SSUH2: variants seen among roughly 807,000 people sequenced by gnomAD.
The protein encoded by SSUH2 is protein SSUH2 homolog.
Under a neutral mutation model 55.3 loss-of-function variants are expected in SSUH2, and 47 were observed. The ratio of observed to expected loss-of-function variants is 0.85; its 90% confidence interval spans 0.67 to 1.08. The LOEUF (loss-of-function observed/expected upper bound fraction) is 1.08, where lower values mean the gene tolerates loss of function less well. Among genes scored for constraint, SSUH2 ranks in the 50% least tolerant of loss-of-function variants. The pLI is 0.00. For missense variants in SSUH2, 535 were observed against 490.7 expected, an observed-to-expected ratio of 1.09 and a Z score of -0.85; for synonymous variants, 212 against 191.5, an observed-to-expected ratio of 1.11 and a Z score of -0.89.
chr3:8,619,487 C>T lies in SSUH2; in HGVS notation c.*381G>A, dbSNP rs537147463. ...TTGAACATTTCAGTAATACTCAGATCGTCAAGAGGCTCCCACTAGAAGAAG... is the reference window on the plus strand; with the variant it reads ...TTGAACATTTCAGTAATACTCAGATTGTCAAGAGGCTCCCACTAGAAGAAG... On this transcript the variant is annotated 3_prime_UTR_variant, in exon 12 of 12. Transcript: ENST00000544814. The T allele has an allele frequency of 5.2e-5, 10 of 190,598 alleles. No individual in the cohort carries two copies. The highest frequency in any genetic ancestry group is 1.1e-4 in the Admixed American group (2 of 17,532). The allele number at this position is 190,598 out of a possible 1,614,324, so 11.8% of individuals were successfully genotyped here. A position where few individuals can be genotyped will look rare whatever the true frequency, so the allele number is the denominator to read the frequency against.
upstream of SSUH2, among the ~76,000 whole-genome samples, chr3:8,646,237 T>C (rs1468182316): frequency 6.6e-6 from 1 of 152,222 alleles, no homozygotes; most frequent in Non-Finnish European, 1.5e-5. Context: ...TGTGTGTATA[T>C]ATTTGAGCCA....
chr3:8,676,429 G>A lies in SSUH2; in HGVS notation c.-753+777C>T, dbSNP rs182036512. Among the ~76,000 whole-genome samples, 290 of 151,056 alleles carry A rather than the reference G, an allele frequency of 1.9e-3. 9 individuals are homozygous for A. Among genetic ancestry groups the A allele is most frequent in the African/African-American group, 6.5e-3 (267 of 41,148 alleles). On this transcript the variant is annotated intron_variant, in intron 3 of 18. Transcript: ENST00000317371. ...ATATCATCTTCTTCCCTCCAGGATC[G>A]TGGGAAAAATATCCCTGGGGGGTTT...
intron 1 of SSUH2, chr3:8,639,914 G>A (rs1559412153): frequency 2.1e-6 from 2 of 954,992 alleles, no homozygotes; most frequent in Non-Finnish European, 2.5e-6. Context: ...AATCCAACAG[G>A]CACACGTAAG....
At chr3:8,680,920 G>C (rs1349984673) in intron 1 of SSUH2, among the ~76,000 whole-genome samples, 2 of 151,964 alleles carry the variant, frequency 1.3e-5, no homozygotes, top group African/African-American at 2.4e-5. Flanking sequence ...AATTTGACAG[G>C]CTGGGTGAAC....
At chr3:8,670,387 A>G (rs1417609399) in intron 5 of SSUH2, among the ~76,000 whole-genome samples, 1 of 152,022 alleles carries the variant, frequency 6.6e-6, no homozygotes, top group Non-Finnish European at 1.5e-5. Flanking sequence ...GTGTACACAC[A>G]TGATGTACAC....
rs777431535 is a variant in SSUH2, at chr3:8,627,683, G to A, written c.674+15C>T. The A allele has an allele frequency of 7.1e-7, 1 of 1,412,534 alleles. No homozygotes were observed. The highest frequency in any genetic ancestry group is 1.3e-5 in the South Asian group (1 of 78,608). 87.5% of individuals were successfully genotyped at this position (1,412,534 alleles called of 1,614,324 possible). The stretch of plus-strand genomic sequence containing the variant: ...GCAAGAGCACTTCACCGCGGTGCTG[G>A]GGAGATGCCCCTACCTTCGCCTGCC... On this transcript the variant is annotated intron_variant, in intron 8 of 11. Transcript: ENST00000544814.
intron 3 of SSUH2, among the ~76,000 whole-genome samples, chr3:8,672,515 A>G (rs1049918093): frequency 6.6e-6 from 1 of 152,024 alleles, no homozygotes; most frequent in Non-Finnish European, 1.5e-5. Flanking sequence ...CACAGACTGG[A>G]TGTACACCCC....
chr3:8,673,218 T>C (rs1001347326), intron 3 of SSUH2, among the ~76,000 whole-genome samples: 16 of 152,188 alleles, frequency 1.1e-4, no homozygotes, highest in Admixed American at 1.3e-4. Flanking sequence ...TTATCGTTAG[T>C]ATAACTCTTT....
chr3:8,637,518 A>G (rs1559397124), intron 1 of SSUH2, among the ~76,000 whole-genome samples: 2 of 152,208 alleles, frequency 1.3e-5, no homozygotes, highest in South Asian at 2.1e-4. Flanking sequence ...CATGAGGCAC[A>G]TGAGGCTCAG....
intron 9 of SSUH2, 144 bp from the exon 10 acceptor site, chr3:8,625,791 A>C (rs1448131394): frequency 1.6e-6 from 1 of 610,376 alleles, no homozygotes; most frequent in Non-Finnish European, 2.9e-6. Context: ...TCTGAGCCTC[A>C]GTCTCCTCAC....
At chr3:8,656,973 C>T (rs767922723) in intron 7 of SSUH2, among the ~76,000 whole-genome samples, 5 of 152,162 alleles carry the variant, frequency 3.3e-5, no homozygotes, top group Non-Finnish European at 7.3e-5. Flanking sequence ...CTCCACCTCC[C>T]AGGTTCAAGT....
At chr3:8,628,860 T>C (rs1234486062) in intron 7 of SSUH2, among the ~76,000 whole-genome samples, 1 of 152,166 alleles carries the variant, frequency 6.6e-6, no homozygotes, top group East Asian at 1.9e-4. Flanking sequence ...CTGTTGTTTG[T>C]TTTTTGTTTT....
intron 5 of SSUH2, chr3:8,663,806 T>C (rs766378145): frequency 1.1e-5 from 5 of 456,750 alleles, no homozygotes; most frequent in Middle Eastern, 6.5e-4. Flanking sequence ...CAGGTAACTG[T>C]AGAAGGCACA....
chr3:8,674,456 G>A (rs1033098662), intron 3 of SSUH2, among the ~76,000 whole-genome samples: 1 of 152,212 alleles, frequency 6.6e-6, no homozygotes, highest in African/African-American at 2.4e-5. Flanking sequence ...CCCCTGGTCA[G>A]AATGATGGTC....
At chr3:8,664,818 C>T (rs1389817574) in intron 5 of SSUH2, among the ~76,000 whole-genome samples, 2 of 152,196 alleles carry the variant, frequency 1.3e-5, no homozygotes, top group African/African-American at 2.4e-5. Flanking sequence ...TTAAGGCATA[C>T]AGAAGACAAC....
intron 2 of SSUH2, 118 bp from the exon 3 acceptor site, chr3:8,635,499 C>T: frequency 1.2e-6 from 1 of 813,866 alleles, no homozygotes; most frequent in Non-Finnish European, 1.9e-6. Flanking sequence ...AACAGTGATG[C>T]ATTTAATGCA....
At chr3:8,627,906 T>C in intron 7 of SSUH2, 123 bp from the exon 8 acceptor site, 1 of 699,538 alleles carries the variant, frequency 1.4e-6, no homozygotes, top group Non-Finnish European at 2.2e-6. Context: ...AGCCCCTTCA[T>C]CTGTAAAATG....
In SSUH2 at chr3:8,656,158, A is replaced by C. The variant is rs1042778475; in HGVS notation, c.-307+2767T>G. 1.2e-4 allele frequency among the ~76,000 whole-genome samples: 19 copies of C among 152,248 alleles called. 1 individual carries two copies. On this transcript the variant is annotated intron_variant, in intron 7 of 18. Transcript: ENST00000317371. ...GACCAGGTTTGTGCAAATCTCAAAC[A>C]GAACACACAACTGAAAAGCCTTCAT... is the stretch of plus-strand genomic sequence containing the variant.
chr3:8,638,114 G>A (rs965333284), intron 1 of SSUH2, among the ~76,000 whole-genome samples: 1 of 152,120 alleles, frequency 6.6e-6, no homozygotes, highest in African/African-American at 2.4e-5. Context: ...TGGGCTTGAG[G>A]GGATCAGAAA....
Sources: gnomAD v4.1 joint callset for allele counts (sites outside exome capture counted in the v4.1 genomes callset) on GRCh38, gnomAD v4.1.1 for gene constraint, MANE v1.5 for transcripts, NCBI Gene and HGNC (gene_info 2026-07-23, HGNC 2026-07-21) for gene names.